PRR16: variants seen among roughly 807,000 people sequenced by gnomAD.
The protein encoded by PRR16 is protein Largen.
In PRR16, 6 loss-of-function variants were observed where a neutral mutation model predicts 18.2. That is an observed-to-expected ratio of 0.33 (90% CI 0.18 to 0.65). The LOEUF (loss-of-function observed/expected upper bound fraction) is 0.65. Ranked by LOEUF, PRR16 falls within the 30% of genes least tolerant of loss-of-function variation. The pLI is 0.74. For synonymous variants in PRR16, 151 were observed against 147.8 expected, an observed-to-expected ratio of 1.02 and a Z score of -0.16; for missense variants, 412 against 376.6, an observed-to-expected ratio of 1.09 and a Z score of -0.78.
intron 1 of PRR16, among the ~76,000 whole-genome samples, chr5:120,513,736 A>G (rs1289406174): frequency 1.3e-5 from 2 of 151,858 alleles, no homozygotes; most frequent in African/African-American, 4.8e-5. Flanking sequence ...GGCCAGACTT[A>G]AGAACATAGA....
At chr5:120,485,413 C>A (rs759163907) in intron 1 of PRR16, among the ~76,000 whole-genome samples, 3 of 152,162 alleles carry the variant, frequency 2.0e-5, no homozygotes, top group African/African-American at 7.2e-5. Flanking sequence ...CTTTTCCGCA[C>A]GTTTCTTAGA....
chr5:120,730,481 A>T, the PRR16 span, among the ~76,000 whole-genome samples: 1 of 152,164 alleles, frequency 6.6e-6, no homozygotes, highest in Non-Finnish European at 1.5e-5. Flanking sequence ...TGTCATTTGC[A>T]TAGTGGTCAA....
intron 1 of PRR16, among the ~76,000 whole-genome samples, chr5:120,498,548 A>G (rs1210222438): frequency 6.6e-6 from 1 of 151,762 alleles, no homozygotes; most frequent in African/African-American, 2.4e-5. Context: ...TTTTTCAACC[A>G]TTAAACATAA....
chr5:120,515,990 T>G (rs1750977235), intron 1 of PRR16, among the ~76,000 whole-genome samples: 1 of 152,212 alleles, frequency 6.6e-6, no homozygotes. Context: ...TTTTTCTATA[T>G]TGACAATTTT....
At chr5:120,625,455 A>T (rs1408552309) in intron 1 of PRR16, among the ~76,000 whole-genome samples, 1 of 152,120 alleles carries the variant, frequency 6.6e-6, no homozygotes, top group African/African-American at 2.4e-5. Context: ...TTCCCACCTC[A>T]GCCTCCTGAG....
chr5:120,602,774 A>T (rs553389231), intron 1 of PRR16, among the ~76,000 whole-genome samples: 1 of 152,048 alleles, frequency 6.6e-6, no homozygotes, highest in African/African-American at 2.4e-5. Flanking sequence ...TTAAACATGC[A>T]TGGGTGTCAA....
chr5:120,523,764 A>G (rs906802302), intron 1 of PRR16, among the ~76,000 whole-genome samples: 1 of 147,108 alleles, frequency 6.8e-6, no homozygotes, highest in African/African-American at 2.6e-5. Context: ...CAAAATTTTC[A>G]GAGTGAGTGT....
At chr5:120,580,393 G>T (rs1031398039) in intron 1 of PRR16, among the ~76,000 whole-genome samples, 1 of 151,338 alleles carries the variant, frequency 6.6e-6, no homozygotes, top group African/African-American at 2.4e-5. Flanking sequence ...TTATTATTTT[G>T]AGATATATTC....
intron 1 of PRR16, among the ~76,000 whole-genome samples, chr5:120,520,677 C>T (rs1392001339): frequency 1.3e-5 from 2 of 152,042 alleles, no homozygotes; most frequent in South Asian, 4.1e-4. Flanking sequence ...TTTTATTGTT[C>T]TCAATTTGAC....
chr5:120,741,918 A>G, the PRR16 span, among the ~76,000 whole-genome samples: 1 of 152,136 alleles, frequency 6.6e-6, no homozygotes, highest in Admixed American at 6.5e-5. Context: ...GTTTTTATAG[A>G]TACTATAAGA....
chr5:120,789,520 C>T, the PRR16 span, among the ~76,000 whole-genome samples: 1 of 151,958 alleles, frequency 6.6e-6, no homozygotes. Flanking sequence ...GTATAGACTG[C>T]AATAAAAATT....
At chr5:120,707,881 G>T in the PRR16 span, among the ~76,000 whole-genome samples, 3 of 152,206 alleles carry the variant, frequency 2.0e-5, no homozygotes, top group African/African-American at 7.2e-5. Flanking sequence ...AATGAGGCTT[G>T]TCAGCTGGGA....
intron 1 of PRR16, among the ~76,000 whole-genome samples, chr5:120,474,540 C>T (rs1749374981): frequency 6.6e-6 from 1 of 151,940 alleles, no homozygotes; most frequent in South Asian, 2.1e-4. Context: ...TTATGCTTAG[C>T]CATCAAACAT....
chr5:120,482,363 A>G (rs1749647779), intron 1 of PRR16, among the ~76,000 whole-genome samples: 1 of 152,142 alleles, frequency 6.6e-6, no homozygotes, highest in Non-Finnish European at 1.5e-5. Flanking sequence ...TCCTGCTTAT[A>G]AGCCAGAACA....
At chr5:120,793,935 C>T in the PRR16 span, among the ~76,000 whole-genome samples, 1 of 152,180 alleles carries the variant, frequency 6.6e-6, no homozygotes, top group South Asian at 2.1e-4. Context: ...CATACCTAAA[C>T]ATAGAAAAGA....
At chr5:120,741,747 C>A in the PRR16 span, among the ~76,000 whole-genome samples, 1 of 152,000 alleles carries the variant, frequency 6.6e-6, no homozygotes, top group African/African-American at 2.4e-5. Flanking sequence ...ATTACAGGCA[C>A]GCACCACCAA....
chr5:120,521,326 AG>A (rs1751172291), intron 1 of PRR16, among the ~76,000 whole-genome samples: 1 of 152,158 alleles, frequency 6.6e-6, no homozygotes, highest in African/African-American at 2.4e-5. Context: ...ACAGGTCTTT[AG>A]TAGCACCATT....
At chr5:120,765,871 A>ATAAC in the PRR16 span, among the ~76,000 whole-genome samples, 8 of 151,972 alleles carry the variant, frequency 5.3e-5, no homozygotes, top group African/African-American at 9.7e-5. Flanking sequence ...ATAGCCTTTT[A>ATAAC]TAACTAACTT....
chr5:120,545,303 A>T (rs182013794), intron 1 of PRR16, among the ~76,000 whole-genome samples: 26 of 152,232 alleles, frequency 1.7e-4, no homozygotes, highest in Admixed American at 1.3e-3. Flanking sequence ...GACATTATAG[A>T]TTGGATTCTG....
Sources: allele counts gnomAD v4.1 joint callset (sites outside exome capture counted in the v4.1 genomes callset), GRCh38; gene constraint gnomAD v4.1.1; transcripts MANE v1.5; gene names NCBI Gene and HGNC (gene_info 2026-07-23, HGNC 2026-07-21).